The following MILR1 variants were observed in gnomAD, a reference collection of about 807,000 sequenced individuals.
MILR1 encodes the protein mast cell immunoglobulin like receptor 1, also known as allergin-1.
MILR1 carries 31 observed loss-of-function variants against 18.5 expected under a neutral mutation model. The ratio of observed to expected loss-of-function variants is 1.68; its 90% CI spans 1.26 to 2.26. MILR1 has a LOEUF of 2.26. MILR1 is among the 30% of genes most tolerant of loss of function. The probability of loss-of-function intolerance (pLI) is 0.00; values close to 1 mark genes in which losing one functional copy is unlikely to be tolerated. For missense variants in MILR1, 257 were observed against 157.4 expected (o/e 1.63, Z -3.38); for synonymous variants, 85 against 56.2 (o/e 1.51, Z -2.30).
chr17:64,485,916 T>C, the MILR1 span: 1 of 1,596,662 alleles, frequency 6.3e-7, no homozygotes, highest in East Asian at 2.2e-5. Flanking sequence ...GAACTTTTTT[T>C]GTTTGTTTGT....
At position 64,468,529 on chromosome 17, in the gene MILR1, T is replaced by G; in HGVS notation, c.*248T>G. The G allele has an allele frequency of 1.3e-6, 1 of 746,918 alleles. No individual in the cohort carries two copies. The highest frequency in any genetic ancestry group is 1.8e-6 in the Non-Finnish European group (1 of 552,590). 46.3% of individuals were successfully genotyped at this position (746,918 alleles called of 1,614,324 possible). On this transcript the variant is annotated 3_prime_UTR_variant, in exon 10 of 10. Transcript: ENST00000619286. Reference sequence around the variant, plus strand: ...GTCTTGAACTCCTGACCTCAGATGATCTGCCTGCCTCGGCCTCCCAAAGTG... The same window carrying G: ...GTCTTGAACTCCTGACCTCAGATGAGCTGCCTGCCTCGGCCTCCCAAAGTG...
chr17:64,450,760 G>T (rs950309579), intron 2 of MILR1, among the ~76,000 whole-genome samples: 1 of 152,178 alleles, frequency 6.6e-6, no homozygotes, highest in African/African-American at 2.4e-5. Context: ...GGGGTTACAG[G>T]CATGAGCTAC....
chr17:64,497,095 GCAGGCCC>G, the MILR1 span: 1 of 978,172 alleles, frequency 1.0e-6, no homozygotes, highest in Non-Finnish European at 1.6e-6. Flanking sequence ...CTTGCGGGCG[GCAGGCCC>G]CACCCCGGAA....
intron 3 of MILR1, among the ~76,000 whole-genome samples, chr17:64,457,028 A>G (rs991739138): frequency 7.2e-5 from 11 of 152,106 alleles, no homozygotes; most frequent in Admixed American, 5.9e-4. Context: ...AATAAACATA[A>G]AAAAGCACTT....
chr17:64,449,233 C>G lies in MILR1; in HGVS notation c.55+10C>G, dbSNP rs968850114. ...TTTTCTTCTGTCACTTGTAAGCCCC[C>G]CTTATCATTCTGAGGCTCGAACCTC... is the stretch of plus-strand genomic sequence containing the variant. On this transcript the variant is annotated intron_variant, in intron 1 of 9. Transcript: ENST00000619286. The G allele has an allele frequency of 1.3e-3, 637 of 473,610 alleles. 3 individuals carry two copies. The highest frequency in any genetic ancestry group is 6.7e-3 in the South Asian group (97 of 14,388). 29.3% of individuals were successfully genotyped at this position (473,610 alleles called of 1,614,324 possible).
chr17:64,452,784 C>G lies in MILR1; in HGVS notation c.285C>G (p.Ala95=), dbSNP rs2037202912. ...PAIFNLSITE[A]HESGPYKCKA... The stretch of plus-strand genomic sequence containing the variant: ...TTTTTAACCTAAGCATCACAGAAGC[C>G]CATGAATCAGGCCCCTACAAATGCA... Residue 95 remains alanine, a synonymous_variant, in exon 3 of 10, where the codon GCC becomes GCG. Transcript: ENST00000619286. 4 of 475,042 alleles carry G rather than the reference C, an allele frequency of 8.4e-6. No homozygotes were observed. The South Asian group carries it at 2.7e-4, about 32-fold the overall frequency. The allele number at this position is 475,042 out of a possible 1,614,324, so 29.4% of individuals were successfully genotyped here. A position where few individuals can be genotyped will look rare whatever the true frequency, so the allele number is the denominator to read the frequency against.
chr17:64,449,907 C>A, intron 2 of MILR1, among the ~76,000 whole-genome samples: 1 of 151,814 alleles, frequency 6.6e-6, no homozygotes, highest in East Asian at 1.9e-4. Context: ...TCATGACATA[C>A]CCAGTTTGAC....
chr17:64,494,628 T>C, the MILR1 span, among the ~76,000 whole-genome samples: 6 of 152,194 alleles, frequency 3.9e-5, no homozygotes, highest in Admixed American at 1.3e-4. Context: ...ATTAATACTA[T>C]TGACTCTTAG....
chr17:64,459,527 G>T (rs2037377192), intron 4 of MILR1, among the ~76,000 whole-genome samples: 1 of 152,166 alleles, frequency 6.6e-6, no homozygotes, highest in Non-Finnish European at 1.5e-5. Context: ...ACCCAGCCAG[G>T]TCCTCAGAAC....
At chr17:64,480,362 G>GT in the MILR1 span, 1 of 1,589,818 alleles carries the variant, frequency 6.3e-7, no homozygotes, top group Non-Finnish European at 8.6e-7. Context: ...CCATTTTCTA[G>GT]TAACTCATTA....
At chr17:64,478,263 A>G in the MILR1 span, among the ~76,000 whole-genome samples, 2 of 151,820 alleles carry the variant, frequency 1.3e-5, no homozygotes, top group African/African-American at 2.4e-5. Flanking sequence ...ATTTGGGGTG[A>G]TATCACAGAA....
chr17:64,466,416 C>T, intron 6 of MILR1, 26 bp from the exon 7 acceptor site: 1 of 1,608,854 alleles, frequency 6.2e-7, no homozygotes, highest in African/African-American at 1.3e-5. Context: ...CACCAACCCC[C>T]AATTTATGTC....
chr17:64,488,025 A>G, the MILR1 span, among the ~76,000 whole-genome samples: 1 of 152,160 alleles, frequency 6.6e-6, no homozygotes. Flanking sequence ...TCTCTAAAAA[A>G]TATATTTGGA....
chr17:64,495,898 G>A, the MILR1 span, among the ~76,000 whole-genome samples: 1 of 152,110 alleles, frequency 6.6e-6, no homozygotes, highest in Non-Finnish European at 1.5e-5. Context: ...TAGTAGAGAC[G>A]GGGTTTCACC....
At chr17:64,473,659 T>C in the MILR1 span, among the ~76,000 whole-genome samples, 2 of 152,182 alleles carry the variant, frequency 1.3e-5, no homozygotes, top group Non-Finnish European at 2.9e-5. Flanking sequence ...ACCACACCAG[T>C]AGGAGAAATA....
the MILR1 span, among the ~76,000 whole-genome samples, chr17:64,476,082 C>T: frequency 6.6e-6 from 1 of 152,108 alleles, no homozygotes; most frequent in Non-Finnish European, 1.5e-5. Flanking sequence ...GTTGGGATTA[C>T]AAGCGTCAGC....
chr17:64,485,288 G>A, the MILR1 span: 1 of 174,786 alleles, frequency 5.7e-6, no homozygotes. Context: ...GCCTTTCCAG[G>A]CCCACATCTA....
the MILR1 span, among the ~76,000 whole-genome samples, chr17:64,488,791 A>C: frequency 6.6e-6 from 1 of 152,072 alleles, no homozygotes; most frequent in Admixed American, 6.6e-5. Flanking sequence ...AATATGGTGA[A>C]ACCCTGTCTC....
At chr17:64,476,316 T>C in the MILR1 span, among the ~76,000 whole-genome samples, 3 of 152,120 alleles carry the variant, frequency 2.0e-5, no homozygotes, top group African/African-American at 7.2e-5. Context: ...AATGTGATAA[T>C]AGTGTGGTTA....
Sources: gnomAD v4.1 joint callset for allele counts (sites outside exome capture counted in the v4.1 genomes callset) on GRCh38, gnomAD v4.1.1 for gene constraint, MANE v1.5 for transcripts, NCBI Gene and HGNC (gene_info 2026-07-23, HGNC 2026-07-21) for gene names.